LARGE1: variants seen among roughly 807,000 people sequenced by gnomAD.
LARGE1 encodes LARGE xylosyl- and glucuronyltransferase 1, also known as xylosyl- and glucuronyltransferase LARGE1.
A neutral mutation model predicts 87.6 loss-of-function variants in LARGE1; 43 were observed. That is an observed-to-expected ratio of 0.49 (90% confidence interval 0.38 to 0.63). The LOEUF (loss-of-function observed/expected upper bound fraction) is 0.63, where lower values mean the gene tolerates loss of function less well. Ranked by LOEUF, LARGE1 falls within the 30% of genes least tolerant of loss-of-function variation. The pLI is 0.00. For missense variants in LARGE1, 802 were observed against 1,000.2 expected (o/e 0.80, Z 2.67); for synonymous variants, 434 against 394.6 (o/e 1.10, Z -1.18).
intron 2 of LARGE1, among the ~76,000 whole-genome samples, chr22:33,759,365 G>A (rs1203791183): frequency 6.6e-6 from 1 of 152,126 alleles, no homozygotes; most frequent in Non-Finnish European, 1.5e-5. Flanking sequence ...TCTATAGCAT[G>A]GTATTACAGT....
At chr22:33,314,063 G>A (rs771333202) in intron 11 of LARGE1, among the ~76,000 whole-genome samples, 3 of 152,156 alleles carry the variant, frequency 2.0e-5, no homozygotes, top group African/African-American at 4.8e-5. Flanking sequence ...GGTATTTGCC[G>A]AGTGATCATG....
chr22:33,075,938 G>A, the LARGE1 span, among the ~76,000 whole-genome samples: 1 of 152,112 alleles, frequency 6.6e-6, no homozygotes, highest in Non-Finnish European at 1.5e-5. Context: ...ATGATAACAC[G>A]TTTACTGCGA....
At chr22:33,701,127 C>T (rs1305295809) in intron 2 of LARGE1, among the ~76,000 whole-genome samples, 8 of 152,088 alleles carry the variant, frequency 5.3e-5, no homozygotes, top group East Asian at 1.9e-4. Context: ...GGATCACACT[C>T]GGAGTGGTCA....
At chr22:33,709,801 T>G (rs1284783404) in intron 2 of LARGE1, among the ~76,000 whole-genome samples, 1 of 151,624 alleles carries the variant, frequency 6.6e-6, no homozygotes, top group Non-Finnish European at 1.5e-5. Context: ...AATTTTTATA[T>G]TTTTTGTACA....
At chr22:33,650,313 G>A in intron 3 of LARGE1, 54 bp downstream of exon 3, 2 of 1,605,022 alleles carry the variant, frequency 1.2e-6, no homozygotes, top group South Asian at 1.1e-5. Context: ...TGCAAGGGGT[G>A]AGGGCAATCG....
intron 2 of LARGE1, among the ~76,000 whole-genome samples, chr22:33,723,494 T>C (rs1173590029): frequency 6.6e-6 from 1 of 152,136 alleles, no homozygotes; most frequent in Non-Finnish European, 1.5e-5. Flanking sequence ...GAAACAAGAA[T>C]GAAAAAGGTG....
intron 6 of LARGE1, among the ~76,000 whole-genome samples, chr22:33,459,444 T>G (rs985724902): frequency 1.0e-5 from 1 of 100,200 alleles, no homozygotes; most frequent in African/African-American, 3.8e-5. Flanking sequence ...TCTCTCTCTT[T>G]TTTTTTTTTT....
At chr22:33,076,266 A>C in the LARGE1 span, among the ~76,000 whole-genome samples, 1 of 152,196 alleles carries the variant, frequency 6.6e-6, no homozygotes, top group Non-Finnish European at 1.5e-5. Flanking sequence ...TATTTGAGAA[A>C]GTGCCATAGT....
At chr22:33,683,718 T>C (rs1444409227) in intron 2 of LARGE1, among the ~76,000 whole-genome samples, 1 of 151,670 alleles carries the variant, frequency 6.6e-6, no homozygotes, top group Non-Finnish European at 1.5e-5. Context: ...TTAGGCAATA[T>C]ACCCAAAGAC....
In LARGE1 at chr22:33,736,322, C is replaced by T. The variant is rs560861836; in HGVS notation, c.106+25049G>A. 1.5e-4 allele frequency among the ~76,000 whole-genome samples: 23 copies of T among 152,214 alleles called. No individual in the cohort carries two copies. In the South Asian group the frequency reaches 2.7e-3, roughly 18 times the overall value. On this transcript the variant is annotated intron_variant, in intron 2 of 14. Transcript: ENST00000397394. ...ACACTTGTTATTTCTTTTTGATAAC[C>T]GCCACCCTAGTGAGTGTGAAGTGGT... is the stretch of plus-strand genomic sequence containing the variant.
In LARGE1 at chr22:33,634,669, T is replaced by C. The variant is rs187231427; in HGVS notation, c.409-8343A>G. Among the ~76,000 whole-genome samples the C allele has an allele frequency of 7.3e-3, 1,058 of 145,232 alleles. 13 individuals carry two copies. Among genetic ancestry groups the C allele is most frequent in the African/African-American group, 0.027 (1,015 of 36,950 alleles). On this transcript the variant is annotated intron_variant, in intron 3 of 14. Transcript: ENST00000397394. ...GTATAGGCTTCTACTGCAAAAAAAA[T>C]TTCAAAATAATAATAATAATAATAA...
chr22:33,805,547 A>G (rs2086280962), intron 1 of LARGE1, among the ~76,000 whole-genome samples: 1 of 152,052 alleles, frequency 6.6e-6, no homozygotes, highest in Non-Finnish European at 1.5e-5. Flanking sequence ...CAGCCTGGCC[A>G]ACATGGTGAA....
At chr22:33,261,730 C>T (rs1324581932) in intron 11 of LARGE1, among the ~76,000 whole-genome samples, 2 of 152,236 alleles carry the variant, frequency 1.3e-5, no homozygotes, top group East Asian at 3.9e-4. Flanking sequence ...GACTCAGAAT[C>T]AGAAGACAAT....
chr22:33,850,300 T>C (rs1367466113), intron 1 of LARGE1, among the ~76,000 whole-genome samples: 2 of 152,128 alleles, frequency 1.3e-5, no homozygotes, highest in South Asian at 2.1e-4. Flanking sequence ...GTGTTCTAGA[T>C]AATAGCTCTC....
chr22:33,542,474 T>A (rs1461939371), intron 6 of LARGE1, among the ~76,000 whole-genome samples: 1 of 151,592 alleles, frequency 6.6e-6, no homozygotes, highest in Non-Finnish European at 1.5e-5. Context: ...ATTTGCTCCT[T>A]TAAAGGAACA....
At chr22:33,336,499 C>T (rs988641534) in intron 10 of LARGE1, among the ~76,000 whole-genome samples, 2 of 151,922 alleles carry the variant, frequency 1.3e-5, no homozygotes, top group Non-Finnish European at 2.9e-5. Context: ...CGCGCCTGGC[C>T]CCACAAAAGT....
chr22:33,313,713 C>T (rs1297184398), intron 11 of LARGE1, among the ~76,000 whole-genome samples: 2 of 152,156 alleles, frequency 1.3e-5, no homozygotes. Context: ...GGAAATGGGA[C>T]CTCCATCCTG....
chr22:33,127,482 G>C, the LARGE1 span, among the ~76,000 whole-genome samples: 3 of 152,020 alleles, frequency 2.0e-5, no homozygotes, highest in Non-Finnish European at 2.9e-5. Flanking sequence ...CAATCCTCAG[G>C]AAAAAGAAAA....
downstream of LARGE1, among the ~76,000 whole-genome samples, chr22:33,272,057 T>C (rs561608245): frequency 1.3e-5 from 2 of 152,224 alleles, no homozygotes; most frequent in East Asian, 3.9e-4. Flanking sequence ...GCTACGCCCA[T>C]AAAAATGCAA....
Sources: gnomAD v4.1 joint callset for allele counts (sites outside exome capture counted in the v4.1 genomes callset) on GRCh38, gnomAD v4.1.1 for gene constraint, MANE v1.5 for transcripts, NCBI Gene and HGNC (gene_info 2026-07-23, HGNC 2026-07-21) for gene names.